NTM: variants seen among roughly 807,000 people sequenced by gnomAD.
NTM encodes the protein IgLON family member 2.
In NTM, 13 loss-of-function variants were observed where a neutral mutation model predicts 42.1. The ratio of observed to expected loss-of-function variants is 0.31; its 90% CI spans 0.20 to 0.49. NTM has a LOEUF of 0.49. NTM is among the 20% of genes least tolerant of loss of function. The pLI is 0.99. For missense variants in NTM, 373 were observed against 452.8 expected (o/e 0.82, Z 1.60); for synonymous variants, 187 against 179.2 (o/e 1.04, Z -0.35).
At chr11:132,326,533 C>T (rs1194022621) in intron 7 of NTM, among the ~76,000 whole-genome samples, 1 of 152,226 alleles carries the variant, frequency 6.6e-6, no homozygotes, top group Non-Finnish European at 1.5e-5. Flanking sequence ...CACTTCTCTC[C>T]TGTGAACTGA....
chr11:132,028,238 C>T (rs2075442823), intron 2 of NTM, among the ~76,000 whole-genome samples: 1 of 147,796 alleles, frequency 6.8e-6, no homozygotes, highest in South Asian at 2.2e-4. Flanking sequence ...TCTGTTTCTT[C>T]CAGCTGGTTT....
intron 1 of NTM, among the ~76,000 whole-genome samples, chr11:131,606,610 A>G (rs1241411370): frequency 6.6e-6 from 1 of 152,170 alleles, no homozygotes; most frequent in African/African-American, 2.4e-5. Context: ...AAAACAAAAT[A>G]ACACATGGGA....
chr11:132,297,030 A>C (rs937384834), intron 4 of NTM, among the ~76,000 whole-genome samples: 4 of 152,204 alleles, frequency 2.6e-5, no homozygotes, highest in Admixed American at 2.6e-4. Flanking sequence ...CTTTCTCCTG[A>C]GGCCCAAACA....
chr11:131,658,020 T>G (rs1228655880), intron 1 of NTM, among the ~76,000 whole-genome samples: 1 of 152,112 alleles, frequency 6.6e-6, no homozygotes, highest in Non-Finnish European at 1.5e-5. Context: ...GGGTTTCAAT[T>G]GTAGATAAGG....
At chr11:131,744,323 T>A (rs1313163436) in intron 1 of NTM, among the ~76,000 whole-genome samples, 1 of 152,352 alleles carries the variant, frequency 6.6e-6, no homozygotes, top group East Asian at 1.9e-4. Flanking sequence ...TATATTCTTA[T>A]AATATTTTAG....
At chr11:132,325,441 G>A (rs1008189840) in intron 7 of NTM, among the ~76,000 whole-genome samples, 2 of 152,198 alleles carry the variant, frequency 1.3e-5, no homozygotes, top group Non-Finnish European at 2.9e-5. Flanking sequence ...GGCCATCAGA[G>A]AAATGCAAAT....
In NTM at chr11:132,009,560, A is replaced by T. The variant is rs140151276; in HGVS notation, c.167+97912A>T. 5.3e-5 allele frequency among the ~76,000 whole-genome samples: 8 copies of T among 152,292 alleles called. No individual in the cohort carries two copies. In the East Asian group the frequency reaches 1.5e-3, roughly 29 times the overall value. On this transcript the variant is annotated intron_variant, in intron 2 of 8. Coordinates refer to ENST00000683400, the MANE Select transcript of NTM (RefSeq NM_001352005.2). Reference sequence around the variant, plus strand: ...ATCCCGGCAGCTCTGAGGCTTTCTGACAGTCCTGAGAATGGAGCACAAGCC... The same window carrying T: ...ATCCCGGCAGCTCTGAGGCTTTCTGTCAGTCCTGAGAATGGAGCACAAGCC...
intron 4 of NTM, among the ~76,000 whole-genome samples, chr11:132,293,630 C>T (rs1167777939): frequency 6.6e-6 from 1 of 151,644 alleles, no homozygotes; most frequent in Admixed American, 6.6e-5. Context: ...AGCCTATGGG[C>T]CAGATTCAGC....
intron 1 of NTM, among the ~76,000 whole-genome samples, chr11:131,554,348 C>A (rs900259953): frequency 6.6e-6 from 1 of 152,000 alleles, no homozygotes; most frequent in African/African-American, 2.4e-5. Context: ...TAAGGCATAC[C>A]CTGAAGAAAG....
intron 2 of NTM, among the ~76,000 whole-genome samples, chr11:132,014,736 G>GTT (rs146527050): frequency 0.071 from 5,918 of 83,898 alleles, 337 homozygotes; most frequent in African/African-American, 0.08. Context: ...AGAATTACTT[G>GTT]TTTTTTTTTT....
intron 2 of NTM, among the ~76,000 whole-genome samples, chr11:132,115,578 A>T (rs2063770204): frequency 6.6e-6 from 1 of 152,136 alleles, no homozygotes. Flanking sequence ...GGGAAAGAGG[A>T]GATGACTCTG....
chr11:131,782,462 C>A (rs2088340661), intron 1 of NTM, among the ~76,000 whole-genome samples: 2 of 151,736 alleles, frequency 1.3e-5, no homozygotes, highest in East Asian at 3.9e-4. Context: ...GAAATAATTT[C>A]AGAAAATAGA....
intron 1 of NTM, among the ~76,000 whole-genome samples, chr11:131,671,160 AG>A (rs2134637054): frequency 6.6e-6 from 1 of 152,258 alleles, no homozygotes; most frequent in South Asian, 2.1e-4. Flanking sequence ...AGAACTTGCT[AG>A]GAGGCTTTTG....
intron 2 of NTM, among the ~76,000 whole-genome samples, chr11:131,922,641 G>A (rs1183514100): frequency 6.6e-6 from 1 of 151,990 alleles, no homozygotes; most frequent in African/African-American, 2.4e-5. Context: ...TACCTCCGTG[G>A]GCAAAGCCAC....
chr11:131,379,326 C>T (rs1942363273), intron 1 of NTM, among the ~76,000 whole-genome samples: 1 of 152,146 alleles, frequency 6.6e-6, no homozygotes, highest in Non-Finnish European at 1.5e-5. Flanking sequence ...TTCAGGAAGA[C>T]AGGAGGATGG....
intron 1 of NTM, 39 bp downstream of exon 1, chr11:131,370,927 G>C: frequency 1.2e-6 from 2 of 1,610,746 alleles, no homozygotes; most frequent in Non-Finnish European, 1.7e-6. Context: ...GTAGACCCAG[G>C]AATTGTACAG....
chr11:131,759,911 C>A (rs118136434), intron 1 of NTM, among the ~76,000 whole-genome samples: 1 of 151,836 alleles, frequency 6.6e-6, no homozygotes, highest in South Asian at 2.1e-4. Flanking sequence ...AGGGAGAGAA[C>A]GATGTGAGAG....
chr11:131,596,073 G>A (rs2059788649), intron 1 of NTM, among the ~76,000 whole-genome samples: 1 of 152,158 alleles, frequency 6.6e-6, no homozygotes, highest in Non-Finnish European at 1.5e-5. Flanking sequence ...TGTTTTTCTT[G>A]TTTGTAACAT....
chr11:132,258,491 T>G (rs2092644522), intron 4 of NTM, among the ~76,000 whole-genome samples: 1 of 152,202 alleles, frequency 6.6e-6, no homozygotes, highest in Non-Finnish European at 1.5e-5. Context: ...GTAGTGTCTT[T>G]GCTTTTTGCA....
Sources: allele counts gnomAD v4.1 joint callset (sites outside exome capture counted in the v4.1 genomes callset), GRCh38; gene constraint gnomAD v4.1.1; transcripts MANE v1.5; gene names NCBI Gene and HGNC (gene_info 2026-07-23, HGNC 2026-07-21).